The following MED13L variants were observed in gnomAD, a reference collection of about 807,000 sequenced individuals.
MED13L encodes mediator of RNA polymerase II transcription subunit 13-like.
A neutral mutation model predicts 220.9 loss-of-function variants in MED13L; 7 were observed. The ratio of observed to expected loss-of-function variants is 0.03; its 90% confidence interval spans 0.02 to 0.06. The LOEUF is 0.06. Ranked by LOEUF, MED13L falls within the 10% of genes least tolerant of loss-of-function variation. MED13L has a pLI of 1.00. For synonymous variants in MED13L, 1,011 were observed against 1,015.2 expected, an observed-to-expected ratio of 1.00 and a Z score of 0.08; for missense variants, 1,965 against 2,760.5, an observed-to-expected ratio of 0.71 and a Z score of 6.46.
At chr12:116,198,018 G>A (rs2138295586) in intron 2 of MED13L, among the ~76,000 whole-genome samples, 1 of 152,128 alleles carries the variant, frequency 6.6e-6, no homozygotes, top group Admixed American at 6.5e-5. Context: ...ACCTATGAAT[G>A]CACAAAGTCA....
At chr12:116,048,682 T>C (rs1881982845) in intron 4 of MED13L, among the ~76,000 whole-genome samples, 1 of 152,100 alleles carries the variant, frequency 6.6e-6, no homozygotes, top group African/African-American at 2.4e-5. Flanking sequence ...GAAAAACTCT[T>C]TGGAGTTCAG....
At chr12:116,007,973 A>G in intron 10 of MED13L, 1 of 341,374 alleles carries the variant, frequency 2.9e-6, no homozygotes, top group Non-Finnish European at 5.3e-6. Context: ...TCATCTATGT[A>G]AAGTTTTAGA....
intron 4 of MED13L, among the ~76,000 whole-genome samples, chr12:116,072,237 A>G (rs1367783011): frequency 6.6e-6 from 1 of 152,220 alleles, no homozygotes; most frequent in East Asian, 1.9e-4. Flanking sequence ...AACAGCTTGA[A>G]TCTCAGATTG....
intron 2 of MED13L, among the ~76,000 whole-genome samples, chr12:116,117,981 A>T (rs73200209): frequency 0.17 from 25,725 of 151,926 alleles, 2,406 homozygotes; most frequent in Middle Eastern, 0.26. Context: ...GTTACTTTTT[A>T]ATTTTTTTGT....
chr12:116,232,080 C>A, intron 2 of MED13L: 2 of 985,268 alleles, frequency 2.0e-6, no homozygotes, highest in Middle Eastern at 5.2e-4. Context: ...TGTCAGAAAA[C>A]AGATCCATTT....
chr12:116,109,093 CAG>C (rs1873865583), intron 3 of MED13L, among the ~76,000 whole-genome samples: 1 of 67,042 alleles, frequency 1.5e-5, no homozygotes, highest in South Asian at 4.9e-4. Flanking sequence ...TTTTTGGAAA[CAG>C]GGTCTCACTC....
chr12:116,110,749 G>A (rs1330859179), intron 3 of MED13L, among the ~76,000 whole-genome samples: 1 of 152,076 alleles, frequency 6.6e-6, no homozygotes, highest in African/African-American at 2.4e-5. Context: ...CTGACGATAT[G>A]AGCCTACTGA....
chr12:116,108,354 G>C (rs1395616705), intron 3 of MED13L, among the ~76,000 whole-genome samples: 1 of 125,058 alleles, frequency 8.0e-6, no homozygotes, highest in African/African-American at 3.0e-5. Context: ...ACATAAAATA[G>C]ACTCTAACAT....
intron 1 of MED13L, among the ~76,000 whole-genome samples, chr12:116,244,406 T>TA (rs1427160326): frequency 6.6e-6 from 1 of 152,194 alleles, no homozygotes; most frequent in Admixed American, 6.5e-5. Flanking sequence ...TTTATTTCAT[T>TA]AAATTATATA....
intron 1 of MED13L, among the ~76,000 whole-genome samples, chr12:116,248,085 T>C (rs1871231954): frequency 6.6e-6 from 1 of 152,232 alleles, no homozygotes; most frequent in African/African-American, 2.4e-5. Context: ...ACATGTCATA[T>C]GGCTAGAGGC....
At chr12:116,083,201 G>A (rs1292430801) in intron 4 of MED13L, among the ~76,000 whole-genome samples, 1 of 151,994 alleles carries the variant, frequency 6.6e-6, no homozygotes, top group East Asian at 1.9e-4. Flanking sequence ...GAGGCCAGGA[G>A]TTCGAGACCA....
chr12:116,069,018 TG>T (rs1469327474), intron 4 of MED13L, among the ~76,000 whole-genome samples: 1 of 152,182 alleles, frequency 6.6e-6, no homozygotes, highest in African/African-American at 2.4e-5. Flanking sequence ...GTGCCTCCCT[TG>T]AAGTGTCTGA....
chr12:116,161,754 C>T (rs1031240083), intron 2 of MED13L, among the ~76,000 whole-genome samples: 8 of 152,108 alleles, frequency 5.3e-5, no homozygotes, highest in Admixed American at 3.3e-4. Flanking sequence ...TACGTCAACG[C>T]TAACAAAACA....
At chr12:116,099,977 G>A (rs930868793) in intron 3 of MED13L, among the ~76,000 whole-genome samples, 1 of 152,146 alleles carries the variant, frequency 6.6e-6, no homozygotes, top group Non-Finnish European at 1.5e-5. Flanking sequence ...TAACTTAGAT[G>A]ATTTTTCATT....
In MED13L at chr12:115,987,724, T is replaced by C. The variant is rs145900040; in HGVS notation, c.3935-436A>G. Among the ~76,000 whole-genome samples, 23 of 152,324 alleles carry C rather than the reference T, an allele frequency of 1.5e-4. No homozygotes were observed. The East Asian group carries it at 4.0e-3, about 27-fold the overall frequency. On this transcript the variant is annotated intron_variant, in intron 17 of 30. Coordinates refer to ENST00000281928, the MANE Select transcript of MED13L (RefSeq NM_015335.5). ...TAAATAAAAGCTTTTAAAAACTCTT[T>C]AAATGCTCCTAATTGTAAAAATATT...
chr12:116,012,464 T>C (rs186504596), intron 9 of MED13L, among the ~76,000 whole-genome samples: 3 of 152,320 alleles, frequency 2.0e-5, no homozygotes, highest in Admixed American at 2.0e-4. Flanking sequence ...AGCCCATCTG[T>C]TTTTAATGTA....
At chr12:116,260,501 C>G (rs1872430395) in intron 1 of MED13L, among the ~76,000 whole-genome samples, 1 of 152,096 alleles carries the variant, frequency 6.6e-6, no homozygotes, top group Non-Finnish European at 1.5e-5. Flanking sequence ...AAAAATTTCT[C>G]CAACATGTGA....
chr12:116,134,711 T>C (rs1299487676), intron 2 of MED13L, among the ~76,000 whole-genome samples: 2 of 152,178 alleles, frequency 1.3e-5, no homozygotes, highest in African/African-American at 2.4e-5. Context: ...AAAGACAACA[T>C]GTCTTTTAAC....
intron 4 of MED13L, among the ~76,000 whole-genome samples, chr12:116,047,544 CAG>C (rs1881914163): frequency 6.6e-6 from 1 of 152,036 alleles, no homozygotes; most frequent in Non-Finnish European, 1.5e-5. Context: ...AATAAAATTT[CAG>C]CTAAAATAAT....
Sources: gnomAD v4.1 joint callset for allele counts (sites outside exome capture counted in the v4.1 genomes callset) on GRCh38, gnomAD v4.1.1 for gene constraint, MANE v1.5 for transcripts, NCBI Gene and HGNC (gene_info 2026-07-23, HGNC 2026-07-21) for gene names.